CAMK1D: variants seen among roughly 807,000 people sequenced by gnomAD.
The protein encoded by CAMK1D is calcium/calmodulin dependent protein kinase ID, also known as calcium/calmodulin-dependent protein kinase type 1D.
Under a neutral mutation model 47.7 loss-of-function variants are expected in CAMK1D, and 9 were observed. The ratio of observed to expected loss-of-function variants is 0.19; its 90% CI spans 0.11 to 0.33. CAMK1D has a LOEUF of 0.33. Among genes scored for constraint, CAMK1D ranks in the 10% least tolerant of loss-of-function variants. The probability of loss-of-function intolerance (pLI) is 1.00; values close to 1 mark genes in which losing one functional copy is unlikely to be tolerated. For missense variants in CAMK1D, 291 were observed against 488.7 expected (o/e 0.60, Z 3.81); for synonymous variants, 184 against 184.9 (o/e 0.99, Z 0.04).
chr10:12,700,413 T>C (rs1189185025), intron 3 of CAMK1D, among the ~76,000 whole-genome samples: 4 of 152,104 alleles, frequency 2.6e-5, no homozygotes, highest in African/African-American at 9.7e-5. Flanking sequence ...CAACTCAGTA[T>C]CATGAGAACA....
chr10:12,538,140 C>G (rs1303567145), intron 1 of CAMK1D, among the ~76,000 whole-genome samples: 1 of 152,208 alleles, frequency 6.6e-6, no homozygotes, highest in Non-Finnish European at 1.5e-5. Context: ...CAGCCACTAG[C>G]TGGGAACATA....
chr10:12,352,560 G>C (rs981561380), intron 1 of CAMK1D, among the ~76,000 whole-genome samples: 4 of 151,740 alleles, frequency 2.6e-5, no homozygotes, highest in African/African-American at 9.7e-5. Flanking sequence ...AGTGAGTTGA[G>C]ATTGCGCCAC....
At chr10:12,697,360 C>A (rs569158423) in intron 3 of CAMK1D, among the ~76,000 whole-genome samples, 1 of 152,274 alleles carries the variant, frequency 6.6e-6, no homozygotes, top group African/African-American at 2.4e-5. Context: ...AGACTAGATT[C>A]AACTGGAGCA....
chr10:12,414,395 AT>A (rs1839773806), intron 1 of CAMK1D, among the ~76,000 whole-genome samples: 2 of 152,236 alleles, frequency 1.3e-5, no homozygotes, highest in Non-Finnish European at 2.9e-5. Flanking sequence ...CTTTGAAATT[AT>A]CTTTTTCCTC....
intron 5 of CAMK1D, among the ~76,000 whole-genome samples, chr10:12,778,825 A>C (rs1837374944): frequency 6.6e-6 from 1 of 152,164 alleles, no homozygotes; most frequent in South Asian, 2.1e-4. Context: ...GCGAACTATA[A>C]GCACACCACT....
intron 1 of CAMK1D, among the ~76,000 whole-genome samples, chr10:12,412,577 C>T (rs1208556473): frequency 3.4e-5 from 5 of 147,492 alleles, no homozygotes; most frequent in Admixed American, 2.0e-4. Context: ...GAGCCGAGAT[C>T]GTGTCACTGC....
chr10:12,821,297 T>C (rs559311536), intron 8 of CAMK1D, among the ~76,000 whole-genome samples: 1 of 152,292 alleles, frequency 6.6e-6, no homozygotes, highest in South Asian at 2.1e-4. Context: ...TTCCCAGCAA[T>C]ATCAGGCTAG....
chr10:12,402,607 G>A lies in CAMK1D; in HGVS notation c.92+52697G>A, dbSNP rs182824185. ...TTTGAAAGACCACTTTGGAGCTGTC[G>A]TTAAAAAGTCTTAAGACTGGCGTTA... On this transcript the variant is annotated intron_variant, in intron 1 of 10. Transcript: ENST00000619168. Among the ~76,000 whole-genome samples the A allele has an allele frequency of 1.6e-3, 246 of 152,254 alleles. 1 individual carries two copies. The highest frequency in any genetic ancestry group is 5.6e-3 in the African/African-American group (234 of 41,544).
intron 1 of CAMK1D, among the ~76,000 whole-genome samples, chr10:12,360,059 C>T (rs559913665): frequency 2.0e-5 from 3 of 152,210 alleles, no homozygotes; most frequent in South Asian, 2.1e-4. Flanking sequence ...AGACAATGTC[C>T]GGGATCTTGA....
chr10:12,557,503 G>A (rs1435150835), intron 2 of CAMK1D, among the ~76,000 whole-genome samples: 4 of 136,464 alleles, frequency 2.9e-5, no homozygotes, highest in African/African-American at 5.5e-5. Flanking sequence ...AGTGAGCCCA[G>A]ATCGCGCCAC....
chr10:12,735,214 C>A (rs1482630026), intron 3 of CAMK1D, among the ~76,000 whole-genome samples: 1 of 152,210 alleles, frequency 6.6e-6, no homozygotes, highest in East Asian at 1.9e-4. Context: ...CGGTGGCTCA[C>A]GCCTGTAGTC....
intron 3 of CAMK1D, among the ~76,000 whole-genome samples, chr10:12,685,287 C>T (rs990764993): frequency 2.6e-5 from 4 of 152,142 alleles, no homozygotes; most frequent in Admixed American, 6.5e-5. Context: ...GGCGACAGAA[C>T]GAGACTCTGT....
At chr10:12,747,206 A>G (rs1480835455) in intron 3 of CAMK1D, among the ~76,000 whole-genome samples, 2 of 151,592 alleles carry the variant, frequency 1.3e-5, no homozygotes, top group African/African-American at 4.9e-5. Context: ...TAATTTTTGT[A>G]TTTTTAGTAG....
At chr10:12,558,602 G>T (rs1836838961) in intron 2 of CAMK1D, among the ~76,000 whole-genome samples, 1 of 151,980 alleles carries the variant, frequency 6.6e-6, no homozygotes, top group Non-Finnish European at 1.5e-5. Context: ...AAGTACTTTT[G>T]CAGGAGTAGA....
intron 1 of CAMK1D, among the ~76,000 whole-genome samples, chr10:12,372,183 C>T (rs919622265): frequency 2.6e-5 from 4 of 152,170 alleles, no homozygotes; most frequent in South Asian, 4.1e-4. Context: ...GTGATGTTTG[C>T]ACAATGACAA....
intron 2 of CAMK1D, among the ~76,000 whole-genome samples, chr10:12,659,849 G>C (rs549860042): frequency 3.3e-5 from 5 of 152,292 alleles, no homozygotes; most frequent in African/African-American, 1.2e-4. Context: ...TATGGCCTTT[G>C]CTTGCGGAGA....
At chr10:12,552,244 G>A (rs777925991) in intron 1 of CAMK1D, among the ~76,000 whole-genome samples, 3 of 152,202 alleles carry the variant, frequency 2.0e-5, no homozygotes, top group Non-Finnish European at 4.4e-5. Context: ...TTGCTCTGCC[G>A]TTGCAGAGTG....
chr10:12,752,536 C>G (rs1442028941), intron 3 of CAMK1D, among the ~76,000 whole-genome samples: 2 of 152,124 alleles, frequency 1.3e-5, no homozygotes, highest in Non-Finnish European at 2.9e-5. Context: ...CCAGACTTCA[C>G]CACTACAGTA....
chr10:12,616,508 TTTTG>T (rs1401313660), intron 2 of CAMK1D, among the ~76,000 whole-genome samples: 4 of 63,630 alleles, frequency 6.3e-5, no homozygotes, highest in Non-Finnish European at 2.2e-4. Context: ...TTTGTTTGTT[TTTTG>T]TTGTTGTTGT....
Sources: allele counts gnomAD v4.1 joint callset (sites outside exome capture counted in the v4.1 genomes callset), GRCh38; gene constraint gnomAD v4.1.1; transcripts MANE v1.5; gene names NCBI Gene and HGNC (gene_info 2026-07-23, HGNC 2026-07-21).